Variants in SLC23A2 observed in about 807,000 individuals in gnomAD.
SLC23A2 encodes the protein solute carrier family 23 member 2.
In SLC23A2, 36 loss-of-function variants were observed where a neutral mutation model predicts 73.3. The observed-to-expected ratio is 0.49, with a 90% CI of 0.38 to 0.65. The LOEUF (loss-of-function observed/expected upper bound fraction) is 0.65. Among genes scored for constraint, SLC23A2 ranks in the 30% least tolerant of loss-of-function variants. The probability of loss-of-function intolerance (pLI) is 0.00; values close to 1 mark genes in which losing one functional copy is unlikely to be tolerated. For synonymous variants in SLC23A2, 343 were observed against 327.3 expected (o/e 1.05, Z -0.52); for missense variants, 507 against 841.6 (o/e 0.60, Z 4.92).
chr20:4,953,376 A>G (rs1434586151), intron 2 of SLC23A2, among the ~76,000 whole-genome samples: 1 of 152,114 alleles, frequency 6.6e-6, no homozygotes, highest in Admixed American at 6.6e-5. Context: ...AGAAAAGATT[A>G]CATTAATAAA....
chr20:4,915,847 A>T (rs1341270298), intron 3 of SLC23A2, among the ~76,000 whole-genome samples: 2 of 152,068 alleles, frequency 1.3e-5, no homozygotes, highest in Non-Finnish European at 2.9e-5. Context: ...ACTTGAGAGG[A>T]TGAGGCAGGA....
At chr20:4,888,119 A>G (rs1315007961) in intron 6 of SLC23A2, among the ~76,000 whole-genome samples, 1 of 152,142 alleles carries the variant, frequency 6.6e-6, no homozygotes, top group Non-Finnish European at 1.5e-5. Flanking sequence ...CTGCTCTTTT[A>G]TTTTGTACTA....
rs1930013778 is a variant in SLC23A2 at position 4,862,620 on chromosome 20, G to C, written c.1486+158C>G. On this transcript the variant is annotated intron_variant, in intron 14 of 16. Transcript: ENST00000338244. This position sits in a 1 kb window ranked among gnomAD's most constrained non-coding sequence, Gnocchi z 5.1. ...CCATATTTAATATAAATTCAACTCAGAGAGTGATAAAAGTTTTCATTTTTT... is the reference window on the plus strand; with the variant it reads ...CCATATTTAATATAAATTCAACTCACAGAGTGATAAAAGTTTTCATTTTTT... 6.6e-6 allele frequency among the ~76,000 whole-genome samples: 1 copy of C among 152,198 alleles called. No homozygotes were observed. The highest frequency in any genetic ancestry group is 2.4e-5 in the African/African-American group (1 of 41,446).
At chr20:5,005,751 G>T (rs1429450617), upstream of SLC23A2, among the ~76,000 whole-genome samples, 1 of 152,186 alleles carries the variant, frequency 6.6e-6, no homozygotes, top group African/African-American at 2.4e-5. Context: ...ACTTTGGGAG[G>T]CCGAGATGGG....
chr20:4,946,727 C>T (rs141652518), intron 2 of SLC23A2, among the ~76,000 whole-genome samples: 1 of 152,208 alleles, frequency 6.6e-6, no homozygotes, highest in East Asian at 1.9e-4. Flanking sequence ...TATGCATGAG[C>T]CATGAAAGGT....
intron 2 of SLC23A2, among the ~76,000 whole-genome samples, chr20:4,961,710 T>C (rs1222038399): frequency 6.6e-6 from 1 of 152,194 alleles, no homozygotes; most frequent in Non-Finnish European, 1.5e-5. Flanking sequence ...CCATTAATGA[T>C]GGGAGGAGAT....
chr20:4,965,840 G>A (rs769724920), intron 2 of SLC23A2, among the ~76,000 whole-genome samples: 8 of 152,002 alleles, frequency 5.3e-5, no homozygotes, highest in Non-Finnish European at 1.0e-4. Flanking sequence ...GGTGGCATGC[G>A]CCTGTAATTC....
chr20:4,965,569 C>T (rs113645502), intron 2 of SLC23A2, among the ~76,000 whole-genome samples: 73 of 151,636 alleles, frequency 4.8e-4, no homozygotes, highest in Middle Eastern at 3.4e-3. Context: ...CCCAGAAGTT[C>T]GAGACCAGCC....
chr20:4,988,620 C>A (rs1040405606), intron 1 of SLC23A2, among the ~76,000 whole-genome samples: 2 of 151,738 alleles, frequency 1.3e-5, no homozygotes, highest in Non-Finnish European at 2.9e-5. Context: ...CCTGTAGTCC[C>A]GGCTACTCGG....
At chr20:4,990,518 T>G (rs1343367063) in intron 1 of SLC23A2, among the ~76,000 whole-genome samples, 1 of 151,546 alleles carries the variant, frequency 6.6e-6, no homozygotes, top group Non-Finnish European at 1.5e-5. Flanking sequence ...ACTACAGGCA[T>G]GCACCACCAC....
chr20:4,957,603 GA>G (rs1310753223), intron 2 of SLC23A2, among the ~76,000 whole-genome samples: 5 of 146,284 alleles, frequency 3.4e-5, no homozygotes, highest in South Asian at 2.2e-4. Flanking sequence ...AAAAAGAAAA[GA>G]AAAAAAACCC....
intron 9 of SLC23A2, among the ~76,000 whole-genome samples, chr20:4,876,739 T>C (rs1181570236): frequency 6.6e-6 from 1 of 152,206 alleles, no homozygotes; most frequent in Non-Finnish European, 1.5e-5. Flanking sequence ...ACCCTGAAGA[T>C]CATCCATAAT....
intron 15 of SLC23A2, 117 bp downstream of exon 15, chr20:4,861,831 G>A: frequency 1.2e-5 from 12 of 968,474 alleles, no homozygotes; most frequent in Non-Finnish European, 1.6e-5. Context: ...ATCCACAGAC[G>A]CATCTGCACC....
rs1278629138 is a variant in SLC23A2, at chr20:4,998,844, AC to A, written c.-282+2561del. Among the ~76,000 whole-genome samples, 4 of 140,824 alleles carry A rather than the reference AC, an allele frequency of 2.8e-5. No homozygotes were observed. Among genetic ancestry groups the A allele is most frequent in the Admixed American group, 7.7e-5 (1 of 13,040 alleles). The allele number at this position is 140,824 out of a possible 152,430, so 92.4% of individuals were successfully genotyped here. ...TTTTAGGAGACAGTCTCACTCTGTCACCCAGGCTGGAGTGCAGTGGCACGAT... is the reference window on the plus strand; with the variant it reads ...TTTTAGGAGACAGTCTCACTCTGTCACCAGGCTGGAGTGCAGTGGCACGAT... On this transcript the variant is annotated intron_variant, in intron 1 of 16. Transcript: ENST00000338244. The surrounding 1 kb of genome is among the most constrained non-coding windows in gnomAD (Gnocchi z 4.1).
chr20:4,891,821 G>T (rs149483654), intron 6 of SLC23A2, among the ~76,000 whole-genome samples: 140 of 152,328 alleles, frequency 9.2e-4, no homozygotes, highest in African/African-American at 3.2e-3. Context: ...GCAAATCACA[G>T]CTCACTGTAG....
intron 15 of SLC23A2, among the ~76,000 whole-genome samples, chr20:4,861,674 A>T (rs1929970431): frequency 1.3e-5 from 2 of 152,246 alleles, no homozygotes; most frequent in Non-Finnish European, 2.9e-5. Flanking sequence ...GACTAATGAA[A>T]TCAAAAGCAT....
In SLC23A2 at chr20:4,932,968, G is replaced by C. The variant is rs544098949; in HGVS notation, c.-154-252C>G. Among the ~76,000 whole-genome samples the C allele has an allele frequency of 1.3e-4, 19 of 151,794 alleles. No homozygotes were observed. The South Asian group carries it at 3.5e-3, about 28-fold the overall frequency. On this transcript the variant is annotated intron_variant, in intron 2 of 16. Coordinates refer to ENST00000338244, the MANE Select transcript of SLC23A2 (RefSeq NM_005116.6). The stretch of plus-strand genomic sequence containing the variant: ...ATCAAAAATATCACAATACTAGGGA[G>C]AAAAAAAATAGCTAAGGTACTTCTT...
At chr20:4,971,354 T>G (rs930429806) in intron 1 of SLC23A2, among the ~76,000 whole-genome samples, 2 of 150,680 alleles carry the variant, frequency 1.3e-5, no homozygotes, top group Non-Finnish European at 3.0e-5. Flanking sequence ...AGTGTGGTGG[T>G]GCACACCTGT....
chr20:4,854,419 C>G lies in SLC23A2; in HGVS notation c.*2553G>C, dbSNP rs1329252728. ...TGTGTGTGTGTGTGTGTGTGTGTTA[C>G]ATGTTCAAGTTTATTAGTCATTAGG... On this transcript the variant is annotated 3_prime_UTR_variant, in exon 17 of 17. Coordinates refer to ENST00000338244, the MANE Select transcript of SLC23A2 (RefSeq NM_005116.6). 6.6e-6 allele frequency: 1 copy of G among 151,076 alleles called. No homozygotes were observed. The highest frequency in any genetic ancestry group is 1.5e-5 in the Non-Finnish European group (1 of 67,828). The allele number at this position is 151,076 out of a possible 1,614,324, so 9.4% of individuals were successfully genotyped here. A position where few individuals can be genotyped will look rare whatever the true frequency, so the allele number is the denominator to read the frequency against.
Sources: gnomAD v4.1 joint callset for allele counts (sites outside exome capture counted in the v4.1 genomes callset) on GRCh38, gnomAD v4.1.1 for gene constraint, Gnocchi (gnomAD v3.1) non-coding constraint, MANE v1.5 for transcripts, NCBI Gene and HGNC (gene_info 2026-07-23, HGNC 2026-07-21) for gene names.